Variants in IMMP2L observed in about 807,000 individuals in gnomAD.
The protein encoded by IMMP2L is mitochondrial inner membrane protease subunit 2.
IMMP2L carries 18 observed loss-of-function variants against 19.3 expected under a neutral mutation model. The ratio of observed to expected loss-of-function variants is 0.93; its 90% CI spans 0.64 to 1.38. The LOEUF (loss-of-function observed/expected upper bound fraction) is 1.38. IMMP2L is among the 40% of genes most tolerant of loss of function. The pLI is 0.00. For missense variants in IMMP2L, 233 were observed against 218.2 expected (o/e 1.07, Z -0.43); for synonymous variants, 76 against 73.0 (o/e 1.04, Z -0.21).
In IMMP2L at chr7:111,353,896, C is replaced by G. The variant is rs532222159; in HGVS notation, c.239+133342G>C. On this transcript the variant is annotated intron_variant, in intron 3 of 5. Transcript: ENST00000405709. ...TTTTATCCACATATTTCTTCTTTCT[C>G]CTTCTTCTGTGTCTTCTGAAAACAT... Among the ~76,000 whole-genome samples the G allele has an allele frequency of 1.4e-4, 21 of 152,186 alleles. No individual in the cohort carries two copies. The East Asian group carries it at 3.9e-3, about 28-fold the overall frequency.
At chr7:111,419,072 C>A (rs1003276311) in intron 3 of IMMP2L, among the ~76,000 whole-genome samples, 8 of 151,726 alleles carry the variant, frequency 5.3e-5, no homozygotes, top group African/African-American at 1.7e-4. Flanking sequence ...AAATCAAATG[C>A]CTAGCTTCAC....
chr7:111,273,965 A>C (rs1207926632), intron 3 of IMMP2L, among the ~76,000 whole-genome samples: 1 of 152,162 alleles, frequency 6.6e-6, no homozygotes, highest in Non-Finnish European at 1.5e-5. Context: ...GGAAACTAAT[A>C]ACTTGCCTAC....
chr7:111,344,944 T>G (rs1421864216), intron 3 of IMMP2L, among the ~76,000 whole-genome samples: 1 of 152,044 alleles, frequency 6.6e-6, no homozygotes, highest in African/African-American at 2.4e-5. Context: ...GATAAATCTC[T>G]GGAGGAGAAT....
At chr7:111,468,748 G>A (rs1174401224) in intron 3 of IMMP2L, among the ~76,000 whole-genome samples, 1 of 152,062 alleles carries the variant, frequency 6.6e-6, no homozygotes, top group African/African-American at 2.4e-5. Flanking sequence ...TTAGTAAATG[G>A]AGAAAAGAAA....
intron 3 of IMMP2L, among the ~76,000 whole-genome samples, chr7:111,273,490 A>G (rs1818696547): frequency 1.3e-5 from 2 of 152,052 alleles, no homozygotes; most frequent in Admixed American, 6.6e-5. Flanking sequence ...ATAAACTCTA[A>G]AATAAAGGAA....
chr7:110,668,390 T>G (rs2130293200), intron 5 of IMMP2L, among the ~76,000 whole-genome samples: 1 of 152,334 alleles, frequency 6.6e-6, no homozygotes, highest in African/African-American at 2.4e-5. Context: ...ACAGCTGGTC[T>G]CCATCTCTTC....
At chr7:111,173,051 T>A (rs900360985) in intron 3 of IMMP2L, among the ~76,000 whole-genome samples, 1 of 151,542 alleles carries the variant, frequency 6.6e-6, no homozygotes, top group Non-Finnish European at 1.5e-5. Flanking sequence ...TCAGTAAGAA[T>A]TCCAGCAAAG....
At chr7:111,432,933 G>A (rs1411821023) in intron 3 of IMMP2L, among the ~76,000 whole-genome samples, 2 of 149,862 alleles carry the variant, frequency 1.3e-5, no homozygotes, top group African/African-American at 5.0e-5. Context: ...AATCAAGGAG[G>A]CAATCCCACT....
Position 111,450,904 on chromosome 7 carries a change from TG to T in IMMP2L, c.239+36333del, listed in dbSNP as rs1459429009. On this transcript the variant is annotated intron_variant, in intron 3 of 5. Transcript: ENST00000405709. ...CCCATCAAAAAGTGGGCGAGGGACATGAACAGGCACTTCTCAAAAGAAGACA... is the reference window on the plus strand; with the variant it reads ...CCCATCAAAAAGTGGGCGAGGGACATAACAGGCACTTCTCAAAAGAAGACA... Among the ~76,000 whole-genome samples the T allele has an allele frequency of 4.3e-4, 66 of 151,736 alleles. 1 individual carries two copies. The South Asian group carries it at 8.3e-3, about 19-fold the overall frequency.
At chr7:111,413,810 A>G (rs1834689568) in intron 3 of IMMP2L, among the ~76,000 whole-genome samples, 1 of 151,738 alleles carries the variant, frequency 6.6e-6, no homozygotes, top group South Asian at 2.1e-4. Flanking sequence ...CTGCTGTAAC[A>G]CTAAATTTTG....
In IMMP2L at chr7:111,080,521, A is replaced by C. The variant is rs545224272; in HGVS notation, c.240-116956T>G. Reference sequence around the variant, plus strand: ...GTGTATAATATATAATGTGTGTATAATATATATTACATATGTGTGTATGTA... The same window carrying C: ...GTGTATAATATATAATGTGTGTATACTATATATTACATATGTGTGTATGTA... On this transcript the variant is annotated intron_variant, in intron 3 of 5. Transcript: ENST00000405709. Among the ~76,000 whole-genome samples, 44 of 151,402 alleles carry C rather than the reference A, an allele frequency of 2.9e-4. 1 individual carries two copies. The highest frequency in any genetic ancestry group is 1.0e-3 in the African/African-American group (42 of 41,286).
chr7:110,995,531 T>C (rs781382245), intron 3 of IMMP2L, among the ~76,000 whole-genome samples: 2 of 152,140 alleles, frequency 1.3e-5, no homozygotes, highest in Non-Finnish European at 1.5e-5. Context: ...TGGAGTTTGG[T>C]TCAATGACAG....
At chr7:111,031,251 G>T (rs982871295) in intron 3 of IMMP2L, among the ~76,000 whole-genome samples, 6 of 151,924 alleles carry the variant, frequency 3.9e-5, no homozygotes, top group Non-Finnish European at 5.9e-5. Context: ...CCAGACCTTG[G>T]TTTCTAACAT....
At chr7:110,910,813 T>C (rs1205132071) in intron 4 of IMMP2L, among the ~76,000 whole-genome samples, 1 of 152,172 alleles carries the variant, frequency 6.6e-6, no homozygotes, top group African/African-American at 2.4e-5. Context: ...TTATTTTTAG[T>C]TGACAACTCA....
intron 5 of IMMP2L, among the ~76,000 whole-genome samples, chr7:110,878,569 TTATC>T (rs1809309574): frequency 2.6e-5 from 4 of 152,056 alleles, no homozygotes; most frequent in Admixed American, 1.3e-4. Flanking sequence ...TATATTTAAA[TTATC>T]TATACTAAAT....
intron 3 of IMMP2L, among the ~76,000 whole-genome samples, chr7:110,991,678 T>C (rs1362557561): frequency 6.6e-6 from 1 of 152,162 alleles, no homozygotes; most frequent in East Asian, 1.9e-4. Flanking sequence ...GCTTAGGAAA[T>C]ATACAGCTCT....
chr7:110,686,265 A>T (rs1045695458), intron 5 of IMMP2L, among the ~76,000 whole-genome samples: 2 of 151,962 alleles, frequency 1.3e-5, no homozygotes, highest in African/African-American at 4.8e-5. Flanking sequence ...CACATTATAC[A>T]ATTTTGCTGA....
intron 3 of IMMP2L, among the ~76,000 whole-genome samples, chr7:111,107,636 C>G (rs1383994323): frequency 6.6e-6 from 1 of 152,030 alleles, no homozygotes; most frequent in South Asian, 2.1e-4. Flanking sequence ...AATTGGGGCA[C>G]TAGTAAAGTA....
chr7:111,505,863 T>C (rs975866638), intron 2 of IMMP2L, among the ~76,000 whole-genome samples: 1 of 152,054 alleles, frequency 6.6e-6, no homozygotes, highest in African/African-American at 2.4e-5. Context: ...GAGATATATG[T>C]AATGCTAAAT....
Sources: gnomAD v4.1 joint callset for allele counts (sites outside exome capture counted in the v4.1 genomes callset) on GRCh38, gnomAD v4.1.1 for gene constraint, MANE v1.5 for transcripts, NCBI Gene and HGNC (gene_info 2026-07-23, HGNC 2026-07-21) for gene names.